Variants in KALRN observed in about 807,000 individuals in gnomAD.
The protein encoded by KALRN is kalirin RhoGEF kinase, also known as kalirin.
KALRN carries 70 observed loss-of-function variants against 353.7 expected under a neutral mutation model. That is an observed-to-expected ratio of 0.20 (90% confidence interval 0.16 to 0.24). The LOEUF (loss-of-function observed/expected upper bound fraction) is 0.24, where lower values mean the gene tolerates loss of function less well. Among genes scored for constraint, KALRN ranks in the 10% least tolerant of loss-of-function variants. The pLI, the probability that KALRN is intolerant of heterozygous loss-of-function variation, is 1.00. For missense variants in KALRN, 2,791 were observed against 3,756.7 expected, an observed-to-expected ratio of 0.74 and a Z score of 6.72; for synonymous variants, 1,391 against 1,434.8, an observed-to-expected ratio of 0.97 and a Z score of 0.69.
chr3:124,469,276 G>T (rs1458046357), intron 25 of KALRN, among the ~76,000 whole-genome samples: 1 of 152,210 alleles, frequency 6.6e-6, no homozygotes, highest in Non-Finnish European at 1.5e-5. Flanking sequence ...TGGGCGTCCA[G>T]CCCTGCAGAC....
At chr3:124,605,582 A>AGAGAGAGAGAGAGAGAG (rs1372089375) in intron 34 of KALRN, among the ~76,000 whole-genome samples, 1 of 125,646 alleles carries the variant, frequency 8.0e-6, no homozygotes, top group Admixed American at 8.1e-5. Flanking sequence ...AAAAAAAAAA[A>AGAGAGAGAGAGAGAGAG]AAAAAGAGAG....
intron 1 of KALRN, among the ~76,000 whole-genome samples, chr3:124,060,954 A>G (rs2041949484): frequency 6.6e-6 from 1 of 152,252 alleles, no homozygotes; most frequent in Admixed American, 6.5e-5. Flanking sequence ...TGGACTCTCA[A>G]TAAGCCTAGG....
chr3:124,505,637 C>A (rs2065122823), intron 33 of KALRN, among the ~76,000 whole-genome samples: 1 of 152,090 alleles, frequency 6.6e-6, no homozygotes, highest in Non-Finnish European at 1.5e-5. Flanking sequence ...AAAAAACAAA[C>A]AAAAAATAAA....
chr3:124,189,935 CA>C (rs1218193851), intron 1 of KALRN, among the ~76,000 whole-genome samples: 1,460 of 69,440 alleles, frequency 0.021, 12 homozygotes, highest in African/African-American at 0.048. Flanking sequence ...AAGACTCTGT[CA>C]AAAAAAAAAA....
At chr3:124,601,201 T>A (rs1038753992) in intron 34 of KALRN, among the ~76,000 whole-genome samples, 1 of 152,216 alleles carries the variant, frequency 6.6e-6, no homozygotes, top group Admixed American at 6.5e-5. Context: ...GTTGTGAAGA[T>A]TCAAGTGAAA....
chr3:124,210,403 T>C (rs2076800396), intron 1 of KALRN, among the ~76,000 whole-genome samples: 1 of 152,182 alleles, frequency 6.6e-6, no homozygotes, highest in Admixed American at 6.5e-5. Context: ...AATGATACAT[T>C]TTGCAATTCA....
intron 36 of KALRN, among the ~76,000 whole-genome samples, chr3:124,636,269 G>A (rs978622326): frequency 3.3e-5 from 5 of 152,132 alleles, no homozygotes; most frequent in Non-Finnish European, 7.3e-5. Context: ...GCTCTGATAA[G>A]CTGGAAGTAA....
chr3:124,490,639 C>A, intron 29 of KALRN, 55 bp from the exon 30 acceptor site: 2 of 1,531,404 alleles, frequency 1.3e-6, no homozygotes, highest in Admixed American at 1.8e-5. Flanking sequence ...TGGAACATGG[C>A]CCCCTGACTG....
chr3:124,456,665 T>TCAAGCTGCGGGACGC lies in KALRN; in HGVS notation c.3795_3809dup (p.Lys1265_Ala1269dup). ...CCAGCAAGCCTTTCGGATCGGGAGG[T>TCAAGCTGCGGGACGC]CAAGCTGCGGGACGCCAACCACGAA... On this transcript the variant is annotated inframe_insertion, in exon 23 of 60. Coordinates refer to ENST00000682506, the MANE Select transcript of KALRN (RefSeq NM_001388419.1). The TCAAGCTGCGGGACGC allele has an allele frequency of 1.2e-6, 2 of 1,612,836 alleles. No individual in the cohort carries two copies. Among genetic ancestry groups the TCAAGCTGCGGGACGC allele is most frequent in the Non-Finnish European group, 1.7e-6 (2 of 1,179,460 alleles).
In KALRN at chr3:124,064,435, G is replaced by A. The variant is rs1157831076; in HGVS notation, c.73+30622G>A. On this transcript the variant is annotated intron_variant, in intron 1 of 59. Transcript: ENST00000682506. ...TTTTAGCTCCTGAAGAGCAGGCAGG[G>A]CAGCCTTGATGAATAGAGAAGAAGA... Among the ~76,000 whole-genome samples, 11 of 152,114 alleles carry A rather than the reference G, an allele frequency of 7.2e-5. 1 individual carries two copies.
At chr3:124,260,447 A>T (rs1391870325) in intron 3 of KALRN, among the ~76,000 whole-genome samples, 2 of 152,058 alleles carry the variant, frequency 1.3e-5, no homozygotes, top group East Asian at 3.9e-4. Flanking sequence ...CAGCTCACAC[A>T]TTTATATTCT....
In KALRN at chr3:124,722,356, G is replaced by A. The variant is rs1189825929; in HGVS notation, c.*2886G>A. The A allele has an allele frequency of 6.6e-6, 1 of 152,086 alleles. No individual in the cohort carries two copies. The highest frequency in any genetic ancestry group is 1.9e-4 in the East Asian group (1 of 5,186). 9.4% of individuals were successfully genotyped at this position (152,086 alleles called of 1,614,324 possible). A position where few individuals can be genotyped will look rare whatever the true frequency, so the allele number is the denominator to read the frequency against. On this transcript the variant is annotated 3_prime_UTR_variant, in exon 60 of 60. Coordinates refer to ENST00000682506, the MANE Select transcript of KALRN (RefSeq NM_001388419.1). The stretch of plus-strand genomic sequence containing the variant: ...TGGGAAGTGAGAAGACAGGAAAGGA[G>A]GGACCTAGAAATGAAAAGTAGGATG...
intron 34 of KALRN, among the ~76,000 whole-genome samples, chr3:124,629,800 C>T (rs76403580): frequency 0.41 from 51,880 of 126,562 alleles, 9,922 homozygotes; most frequent in East Asian, 0.68. Context: ...TTCATTTTTT[C>T]TCTCTCTCTC....
At chr3:124,037,930 G>C (rs1397939187) in intron 1 of KALRN, among the ~76,000 whole-genome samples, 1 of 152,136 alleles carries the variant, frequency 6.6e-6, no homozygotes, top group Admixed American at 6.5e-5. Context: ...TGGGGGGGGC[G>C]ACTCAGGGAA....
intron 33 of KALRN, among the ~76,000 whole-genome samples, chr3:124,497,756 T>C (rs2064024736): frequency 1.3e-5 from 2 of 152,246 alleles, no homozygotes. Context: ...AGTGTTCCTC[T>C]TTAAACAGTC....
intron 57 of KALRN, among the ~76,000 whole-genome samples, chr3:124,711,655 G>T (rs2062893477): frequency 6.6e-6 from 1 of 152,126 alleles, no homozygotes; most frequent in Non-Finnish European, 1.5e-5. Context: ...TCTATTTCAG[G>T]GGTGGGTAAT....
chr3:124,480,260 C>T lies in KALRN; in HGVS notation c.4192-2548C>T, dbSNP rs867496041. Among the ~76,000 whole-genome samples, 24 of 152,288 alleles carry T rather than the reference C, an allele frequency of 1.6e-4. No homozygotes were observed. In the Middle Eastern group the frequency reaches 0.01, roughly 65 times the overall value. Reference sequence around the variant, plus strand: ...AAGCTGCATCTGTTTTGCCCATCATCCTCAAACAAGTCTTGCAAGTACACA... The same window carrying T: ...AAGCTGCATCTGTTTTGCCCATCATTCTCAAACAAGTCTTGCAAGTACACA... On this transcript the variant is annotated intron_variant, in intron 27 of 59. Transcript: ENST00000682506.
At position 124,628,742 on chromosome 3, in the gene KALRN, A is replaced by ATTTTTT. The variant is rs58523719; in HGVS notation, c.5183-3655_5183-3650dup. 4.1e-3 allele frequency among the ~76,000 whole-genome samples: 408 copies of ATTTTTT among 100,062 alleles called. 46 individuals carry two copies. The highest frequency in any genetic ancestry group is 0.018 in the African/African-American group (387 of 21,414). The allele number at this position is 100,062 out of a possible 152,430, so 65.6% of individuals were successfully genotyped here. A position where few individuals can be genotyped will look rare whatever the true frequency, so the allele number is the denominator to read the frequency against. On this transcript the variant is annotated intron_variant, in intron 34 of 59. Coordinates refer to ENST00000682506, the MANE Select transcript of KALRN (RefSeq NM_001388419.1). ...AGTCATGTGCCACCACACCTGGCTA[A>ATTTTTT]TTTTTTTTTTTTTTTTTTTTTTTTT...
intron 1 of KALRN, chr3:124,096,708 T>C (rs563250826): frequency 6.6e-5 from 10 of 152,326 alleles, no homozygotes; most frequent in Non-Finnish European, 1.2e-4. Flanking sequence ...GGTCTTGTTT[T>C]CTAGGGCTAT....
Sources: gnomAD v4.1 joint callset for allele counts (sites outside exome capture counted in the v4.1 genomes callset) on GRCh38, gnomAD v4.1.1 for gene constraint, MANE v1.5 for transcripts, NCBI Gene and HGNC (gene_info 2026-07-23, HGNC 2026-07-21) for gene names.